The following IQCJ variants were observed in gnomAD, a reference collection of about 807,000 sequenced individuals.
The protein encoded by IQCJ is IQ motif containing J.
IQCJ carries 9 observed loss-of-function variants against 11.0 expected under a neutral mutation model. The observed-to-expected ratio is 0.82, with a 90% confidence interval of 0.49 to 1.43. The LOEUF (loss-of-function observed/expected upper bound fraction) is 1.43, where lower values mean the gene tolerates loss of function less well. IQCJ is among the 40% of genes most tolerant of loss of function. The probability of loss-of-function intolerance (pLI) is 0.00; values close to 1 mark genes in which losing one functional copy is unlikely to be tolerated. For synonymous variants in IQCJ, 55 were observed against 51.3 expected (o/e 1.07, Z -0.31); for missense variants, 146 against 133.2 (o/e 1.10, Z -0.47).
At chr3:159,135,582 T>C (rs1720241285) in intron 1 of IQCJ, among the ~76,000 whole-genome samples, 1 of 152,182 alleles carries the variant, frequency 6.6e-6, no homozygotes, top group African/African-American at 2.4e-5. Flanking sequence ...CTTTAACACA[T>C]GACTTCCTCC....
rs560438163 is a variant in IQCJ at position 159,189,608 on chromosome 3, G to A, written c.10-56235G>A. Among the ~76,000 whole-genome samples the A allele has an allele frequency of 4.6e-5, 7 of 152,178 alleles. No homozygotes were observed. In the South Asian group the frequency reaches 6.2e-4, roughly 14 times the overall value. Reference sequence around the variant, plus strand: ...GTGTGTACTTTGCTGCCCTAGGGTCGTTTTAGTGGCTGATATACTCCCACC... The same window carrying A: ...GTGTGTACTTTGCTGCCCTAGGGTCATTTTAGTGGCTGATATACTCCCACC... On this transcript the variant is annotated intron_variant, in intron 1 of 3. Coordinates refer to ENST00000397832, the MANE Select transcript of IQCJ (RefSeq NM_001042706.3).
intron 1 of IQCJ, among the ~76,000 whole-genome samples, chr3:159,167,629 T>C (rs1180430489): frequency 6.6e-6 from 1 of 152,206 alleles, no homozygotes; most frequent in Non-Finnish European, 1.5e-5. Context: ...GAAGAAAGTA[T>C]TTTCAGGCAG....
intron 1 of IQCJ, among the ~76,000 whole-genome samples, chr3:159,233,108 T>G (rs985193924): frequency 2.0e-5 from 3 of 152,248 alleles, no homozygotes; most frequent in Admixed American, 2.0e-4. Flanking sequence ...TTATCGATTT[T>G]TTTTGAACCC....
chr3:159,259,751 A>G (rs998352923), intron 3 of IQCJ, among the ~76,000 whole-genome samples: 1 of 152,220 alleles, frequency 6.6e-6, no homozygotes, highest in Non-Finnish European at 1.5e-5. Context: ...AATTTTGGGT[A>G]ATAGCCTGGT....
At chr3:159,143,859 C>G (rs1720766026) in intron 1 of IQCJ, among the ~76,000 whole-genome samples, 1 of 152,274 alleles carries the variant, frequency 6.6e-6, no homozygotes, top group South Asian at 2.1e-4. Flanking sequence ...CTGGAGGCTA[C>G]AAGACAAAAG....
At chr3:159,253,613 A>G (rs1727727263) in intron 3 of IQCJ, among the ~76,000 whole-genome samples, 1 of 20,398 alleles carries the variant, frequency 4.9e-5, no homozygotes, top group Non-Finnish European at 2.3e-4. Context: ...CCTCACAAAC[A>G]CACACACACA....
At chr3:159,172,502 A>G (rs1722534684) in intron 1 of IQCJ, among the ~76,000 whole-genome samples, 1 of 152,118 alleles carries the variant, frequency 6.6e-6, no homozygotes. Context: ...AGCACCATAT[A>G]TGATATATAA....
intron 1 of IQCJ, among the ~76,000 whole-genome samples, chr3:159,206,468 T>A (rs1214756092): frequency 6.6e-6 from 1 of 152,234 alleles, no homozygotes; most frequent in African/African-American, 2.4e-5. Flanking sequence ...TTAGGACTAA[T>A]AATCTTGTTG....
intron 1 of IQCJ, among the ~76,000 whole-genome samples, chr3:159,125,075 A>AAATAGT (rs1719599269): frequency 6.6e-6 from 1 of 152,190 alleles, no homozygotes; most frequent in Non-Finnish European, 1.5e-5. Flanking sequence ...AGAGGGGGAA[A>AAATAGT]AATAGTAATT....
At chr3:159,127,848 T>C (rs528163360) in intron 1 of IQCJ, among the ~76,000 whole-genome samples, 1 of 152,332 alleles carries the variant, frequency 6.6e-6, no homozygotes, top group East Asian at 1.9e-4. Context: ...GGTTTTTTTG[T>C]ACAACATGTA....
At chr3:159,091,654 A>ACACACACACG (rs1325261036) in intron 1 of IQCJ, among the ~76,000 whole-genome samples, 32 of 56,620 alleles carry the variant, frequency 5.7e-4, no homozygotes, top group African/African-American at 1.7e-3. Flanking sequence ...ATTTACACAC[A>ACACACACACG]CACACACACA....
chr3:159,168,967 C>CATGATG (rs71144474), intron 1 of IQCJ, among the ~76,000 whole-genome samples: 23,395 of 148,894 alleles, frequency 0.16, 1,962 homozygotes, highest in Middle Eastern at 0.21. Context: ...ACGATGAAGA[C>CATGATG]ATGATGATGA....
At chr3:159,114,923 G>A (rs986549159) in intron 1 of IQCJ, among the ~76,000 whole-genome samples, 2 of 152,160 alleles carry the variant, frequency 1.3e-5, no homozygotes, top group South Asian at 2.1e-4. Context: ...CTGCCCCCCT[G>A]CCCCCGGGGC....
chr3:159,209,980 C>T (rs1560026569), intron 1 of IQCJ, among the ~76,000 whole-genome samples: 1 of 152,130 alleles, frequency 6.6e-6, no homozygotes, highest in Non-Finnish European at 1.5e-5. Flanking sequence ...CATGTTATTA[C>T]AGAAGCTAAC....
intron 1 of IQCJ, among the ~76,000 whole-genome samples, chr3:159,166,170 C>T (rs1174129404): frequency 6.6e-6 from 1 of 152,108 alleles, no homozygotes; most frequent in Non-Finnish European, 1.5e-5. Context: ...AACAAACCTT[C>T]CTTTTAAATA....
downstream of IQCJ, chr3:159,265,202 C>A (rs777892078): frequency 6.2e-6 from 10 of 1,610,242 alleles, no homozygotes; most frequent in Admixed American, 3.3e-5. Flanking sequence ...GTTTTATCTG[C>A]TGTGATCATC....
intron 1 of IQCJ, among the ~76,000 whole-genome samples, chr3:159,114,688 C>T (rs953641550): frequency 6.6e-6 from 1 of 152,108 alleles, no homozygotes; most frequent in Non-Finnish European, 1.5e-5. Flanking sequence ...AAATGGAACT[C>T]GTAAGCTGGA....
intron 1 of IQCJ, among the ~76,000 whole-genome samples, chr3:159,121,867 T>A (rs767348463): frequency 6.6e-6 from 1 of 152,226 alleles, no homozygotes; most frequent in African/African-American, 2.4e-5. Flanking sequence ...AAAATCTGGT[T>A]CTTAGAAAAC....
intron 1 of IQCJ, among the ~76,000 whole-genome samples, chr3:159,113,227 T>C (rs996386572): frequency 2.6e-5 from 4 of 152,224 alleles, no homozygotes; most frequent in African/African-American, 9.7e-5. Flanking sequence ...TAGCTGTGCT[T>C]CTGTAAATTA....
Sources: allele counts gnomAD v4.1 joint callset (sites outside exome capture counted in the v4.1 genomes callset), GRCh38; gene constraint gnomAD v4.1.1; transcripts MANE v1.5; gene names NCBI Gene and HGNC (gene_info 2026-07-23, HGNC 2026-07-21).